KLHL1: variants seen among roughly 807,000 people sequenced by gnomAD.
The protein encoded by KLHL1 is kelch like family member 1, also known as kelch-like protein 1.
KLHL1 carries 47 observed loss-of-function variants against 77.7 expected under a neutral mutation model. The ratio of observed to expected loss-of-function variants is 0.60; its 90% CI spans 0.48 to 0.77. The LOEUF (loss-of-function observed/expected upper bound fraction) is 0.77, where lower values mean the gene tolerates loss of function less well. Ranked by LOEUF, KLHL1 falls within the 30% of genes least tolerant of loss-of-function variation. The pLI, the probability that KLHL1 is intolerant of heterozygous loss-of-function variation, is 0.00. For missense variants in KLHL1, 925 were observed against 910.8 expected (o/e 1.02, Z -0.20); for synonymous variants, 360 against 325.2 (o/e 1.11, Z -1.15).
intron 4 of KLHL1, among the ~76,000 whole-genome samples, chr13:69,885,932 C>T (rs775228437): frequency 6.6e-6 from 1 of 152,060 alleles, no homozygotes; most frequent in Non-Finnish European, 1.5e-5. Context: ...GAAATGGAGA[C>T]ATATAGTATT....
intron 1 of KLHL1, among the ~76,000 whole-genome samples, chr13:70,040,603 A>G (rs1886354265): frequency 6.6e-6 from 1 of 152,078 alleles, no homozygotes; most frequent in East Asian, 1.9e-4. Flanking sequence ...CCTATAGCTA[A>G]TACTTTGTTC....
intron 4 of KLHL1, among the ~76,000 whole-genome samples, chr13:69,903,213 A>G (rs989870553): frequency 6.6e-6 from 1 of 152,170 alleles, no homozygotes; most frequent in African/African-American, 2.4e-5. Flanking sequence ...TCTTTCTGCA[A>G]TGAAGCCAAA....
chr13:70,030,851 A>T (rs1405762700), intron 1 of KLHL1, among the ~76,000 whole-genome samples: 2 of 152,192 alleles, frequency 1.3e-5, no homozygotes, highest in Non-Finnish European at 2.9e-5. Context: ...TGCTAGCAAG[A>T]CTAATAAAGA....
chr13:69,763,979 C>G (rs577120083), intron 7 of KLHL1, among the ~76,000 whole-genome samples: 53 of 152,174 alleles, frequency 3.5e-4, no homozygotes, highest in Non-Finnish European at 3.4e-4. Flanking sequence ...ACAAAACGCT[C>G]TGCTCTATTG....
In KLHL1 at chr13:69,818,219, C is replaced by CTTTTTTTTTTTTTTTTTTTTTTT. The variant is rs1316398623; in HGVS notation, c.1414+20756_1414+20757insAAAAAAAAAAAAAAAAAAAAAAA. 3.8e-4 allele frequency among the ~76,000 whole-genome samples: 43 copies of CTTTTTTTTTTTTTTTTTTTTTTT among 112,882 alleles called. 5 individuals carry two copies. The highest frequency in any genetic ancestry group is 1.4e-3 in the African/African-American group (36 of 25,110). 74.1% of individuals were successfully genotyped at this position (112,882 alleles called of 152,430 possible). ...AGAATTTAACTTAACTCATAGGCAT[C>CTTTTTTTTTTTTTTTTTTTTTTT]TTTTTTTTTTTTTTTTTTTTGAGAC... On this transcript the variant is annotated intron_variant, in intron 6 of 10. Transcript: ENST00000377844.
chr13:69,761,371 T>A (rs1437566078), intron 7 of KLHL1, among the ~76,000 whole-genome samples: 1 of 152,106 alleles, frequency 6.6e-6, no homozygotes, highest in Non-Finnish European at 1.5e-5. Flanking sequence ...TATTTATTAA[T>A]ACAAAAATAG....
chr13:69,973,980 G>T (rs1884469603), intron 2 of KLHL1, among the ~76,000 whole-genome samples: 1 of 151,772 alleles, frequency 6.6e-6, no homozygotes, highest in African/African-American at 2.4e-5. Context: ...TATTTTCTTT[G>T]TCTTGTTTCC....
At chr13:70,084,461 C>CTTTTTTTA (rs1324246935) in intron 1 of KLHL1, among the ~76,000 whole-genome samples, 2 of 115,104 alleles carry the variant, frequency 1.7e-5, no homozygotes, top group Non-Finnish European at 3.4e-5. Context: ...ATTTCTTCTT[C>CTTTTTTTA]TTCTTTTTTT....
intron 7 of KLHL1, among the ~76,000 whole-genome samples, chr13:69,759,332 G>A (rs191596959): frequency 2.0e-5 from 3 of 152,030 alleles, no homozygotes; most frequent in Admixed American, 1.3e-4. Context: ...AATCAAGCAG[G>A]TATCAAAAAT....
chr13:69,927,535 A>G (rs1423754291), intron 4 of KLHL1, among the ~76,000 whole-genome samples: 1 of 152,234 alleles, frequency 6.6e-6, no homozygotes, highest in Non-Finnish European at 1.5e-5. Flanking sequence ...TATATCTAGA[A>G]TATTTAAATA....
chr13:69,987,960 T>C (rs923921020), intron 1 of KLHL1, among the ~76,000 whole-genome samples: 2 of 151,978 alleles, frequency 1.3e-5, no homozygotes, highest in Non-Finnish European at 2.9e-5. Context: ...TTTTTTTTAA[T>C]TTATCTTTTA....
At chr13:70,017,159 C>T (rs1885678894) in intron 1 of KLHL1, among the ~76,000 whole-genome samples, 1 of 152,188 alleles carries the variant, frequency 6.6e-6, no homozygotes, top group African/African-American at 2.4e-5. Context: ...TCAGGACCTG[C>T]CAAATGGCAA....
chr13:69,754,722 T>C (rs1464804550), intron 7 of KLHL1, among the ~76,000 whole-genome samples: 1 of 152,190 alleles, frequency 6.6e-6, no homozygotes, highest in Non-Finnish European at 1.5e-5. Flanking sequence ...TTTAACATTC[T>C]CTCTGTTGCA....
At chr13:69,905,738 G>T (rs1257037498) in intron 4 of KLHL1, among the ~76,000 whole-genome samples, 1 of 152,020 alleles carries the variant, frequency 6.6e-6, no homozygotes, top group Admixed American at 6.6e-5. Context: ...AGGACAGTGA[G>T]GTACAATAAG....
At chr13:69,740,600 A>T in intron 7 of KLHL1, 44 bp from the exon 8 acceptor site, 1 of 1,401,424 alleles carries the variant, frequency 7.1e-7, no homozygotes, top group South Asian at 1.5e-5. Flanking sequence ...AGTTAATATC[A>T]TATTGTACAT....
intron 4 of KLHL1, among the ~76,000 whole-genome samples, chr13:69,899,750 A>T (rs1421020560): frequency 2.0e-5 from 3 of 152,142 alleles, no homozygotes; most frequent in Non-Finnish European, 2.9e-5. Flanking sequence ...GGTCTGGGAT[A>T]ACCAAATGAC....
chr13:69,941,894 TC>T (rs1241058837), intron 3 of KLHL1, among the ~76,000 whole-genome samples: 3 of 151,272 alleles, frequency 2.0e-5, no homozygotes, highest in African/African-American at 7.3e-5. Context: ...AAATATACAA[TC>T]CCCCTAGATT....
Position 69,744,540 on chromosome 13 carries a change from G to A in KLHL1, c.1640-3984C>T, listed in dbSNP as rs564316912. The stretch of plus-strand genomic sequence containing the variant: ...ATATAAATACATATTAAATTACATT[G>A]TATATGTAATGTAAAACATGTAAGT... On this transcript the variant is annotated intron_variant, in intron 7 of 10. Transcript: ENST00000377844. 2.0e-5 allele frequency among the ~76,000 whole-genome samples: 3 copies of A among 150,500 alleles called. 1 individual carries two copies. The South Asian group carries it at 6.2e-4, about 31-fold the overall frequency.
intron 1 of KLHL1, among the ~76,000 whole-genome samples, chr13:70,081,713 G>T (rs577072441): frequency 6.6e-6 from 1 of 152,300 alleles, no homozygotes; most frequent in South Asian, 2.1e-4. Flanking sequence ...TTGTAGAATG[G>T]CAGTGTCCAA....
Sources: allele counts gnomAD v4.1 joint callset (sites outside exome capture counted in the v4.1 genomes callset), GRCh38; gene constraint gnomAD v4.1.1; transcripts MANE v1.5; gene names NCBI Gene and HGNC (gene_info 2026-07-23, HGNC 2026-07-21).